The following KIAA1217 variants were observed in gnomAD, a reference collection of about 807,000 sequenced individuals.
KIAA1217 encodes KIAA1217.
KIAA1217 carries 88 observed loss-of-function variants against 163.9 expected under a neutral mutation model. That is an observed-to-expected ratio of 0.54 (90% CI 0.45 to 0.64). The LOEUF is 0.64. Among genes scored for constraint, KIAA1217 ranks in the 30% least tolerant of loss-of-function variants. The pLI, the probability that KIAA1217 is intolerant of heterozygous loss-of-function variation, is 0.00. For missense variants in KIAA1217, 2,372 were observed against 2,475.0 expected, an observed-to-expected ratio of 0.96 and a Z score of 0.88; for synonymous variants, 903 against 923.1, an observed-to-expected ratio of 0.98 and a Z score of 0.39.
chr10:24,088,289 G>GTA (rs141353834), intron 2 of KIAA1217, among the ~76,000 whole-genome samples: 1,062 of 99,558 alleles, frequency 0.011, 183 homozygotes, highest in African/African-American at 0.017. Flanking sequence ...ACATATATGT[G>GTA]TATATATATA....
At chr10:24,356,040 C>T (rs2049064454) in intron 2 of KIAA1217, among the ~76,000 whole-genome samples, 1 of 152,010 alleles carries the variant, frequency 6.6e-6, no homozygotes. Flanking sequence ...AGCCACCACA[C>T]CTGGACAGCA....
Position 24,543,562 on chromosome 10 carries a change from A to G in KIAA1217, c.4292A>G (p.Asn1431Ser), listed in dbSNP as rs776922242. The change falls in exon 19 of 21, where the codon AAT becomes AGT. Residue 1431 changes from asparagine (N) to serine (S), a missense_variant. This residue lies in a region of KIAA1217 where 690 missense variants were observed against 677.5 expected (regional missense o/e 1.02). Coordinates refer to ENST00000376454, the MANE Select transcript of KIAA1217 (RefSeq NM_019590.5). ...ACCCCCCGACAAGAAGGGACTGACA[A>G]TGAGGATCCAGTCGTGTGCCTGGAC... is the stretch of plus-strand genomic sequence containing the variant. ...EMTPRQEGTD[N>S]EDPVVCLDKK... is the part of the protein sequence containing the mutation. 4.3e-6 allele frequency: 7 copies of G among 1,614,014 alleles called. No individual in the cohort carries two copies. The Admixed American group carries it at 8.3e-5, about 19-fold the overall frequency.
At chr10:24,307,674 T>C (rs2042160876) in intron 2 of KIAA1217, among the ~76,000 whole-genome samples, 2 of 151,584 alleles carry the variant, frequency 1.3e-5, no homozygotes, top group South Asian at 4.2e-4. Flanking sequence ...CCCAGCTACA[T>C]GAGAGGCTGA....
intron 1 of KIAA1217, among the ~76,000 whole-genome samples, chr10:23,918,228 A>C (rs34912796): frequency 0.42 from 62,625 of 150,062 alleles, 16,128 homozygotes; most frequent in African/African-American, 0.73. Context: ...TGACCTCAAT[A>C]AAGTGATCTT....
chr10:24,017,716 T>C (rs1847548180), intron 2 of KIAA1217, among the ~76,000 whole-genome samples: 1 of 152,246 alleles, frequency 6.6e-6, no homozygotes, highest in African/African-American at 2.4e-5. Context: ...CCAGAAATTA[T>C]ATGAAAATGC....
At chr10:24,004,733 TTTC>T (rs1241991557) in intron 1 of KIAA1217, among the ~76,000 whole-genome samples, 1 of 152,254 alleles carries the variant, frequency 6.6e-6, no homozygotes, top group Non-Finnish European at 1.5e-5. Context: ...AGGGTGCTCT[TTTC>T]TTCTTCTCTC....
chr10:23,835,839 T>C (rs1337839608), intron 1 of KIAA1217, among the ~76,000 whole-genome samples: 1 of 152,200 alleles, frequency 6.6e-6, no homozygotes, highest in African/African-American at 2.4e-5. Context: ...CCTTCCTTTA[T>C]GAGTATTTCA....
intron 1 of KIAA1217, among the ~76,000 whole-genome samples, chr10:23,721,853 A>C (rs1837887114): frequency 6.6e-6 from 1 of 152,154 alleles, no homozygotes; most frequent in Non-Finnish European, 1.5e-5. Context: ...TTTTCCAGGT[A>C]CAAGTTTCCT....
chr10:24,157,230 G>T (rs2064917694), intron 2 of KIAA1217, among the ~76,000 whole-genome samples: 1 of 152,084 alleles, frequency 6.6e-6, no homozygotes, highest in African/African-American at 2.4e-5. Context: ...TCATTAATTT[G>T]CATGCCCTTA....
intron 1 of KIAA1217, among the ~76,000 whole-genome samples, chr10:23,855,814 G>C (rs1839627426): frequency 6.6e-6 from 1 of 152,094 alleles, no homozygotes; most frequent in Non-Finnish European, 1.5e-5. Flanking sequence ...CGGCTCCTGA[G>C]GCTTCTGCAT....
intron 1 of KIAA1217, among the ~76,000 whole-genome samples, chr10:23,851,442 T>C (rs1310889178): frequency 6.6e-6 from 1 of 152,238 alleles, no homozygotes; most frequent in Non-Finnish European, 1.5e-5. Context: ...TTCCAAGTCT[T>C]TGCTATTGTG....
chr10:24,476,813 C>T (rs1349399542), intron 6 of KIAA1217, among the ~76,000 whole-genome samples: 1 of 151,948 alleles, frequency 6.6e-6, no homozygotes, highest in Non-Finnish European at 1.5e-5. Flanking sequence ...CACATAGACA[C>T]ACAGACACAC....
intron 1 of KIAA1217, among the ~76,000 whole-genome samples, chr10:23,909,348 T>C (rs941717801): frequency 3.3e-5 from 5 of 151,022 alleles, no homozygotes; most frequent in East Asian, 2.0e-4. Context: ...CCAATAACCA[T>C]TGGAAATAAA....
chr10:24,436,757 CAAAAAAAAAAAAAAA>C (rs10560676), intron 4 of KIAA1217, among the ~76,000 whole-genome samples: 1 of 70,876 alleles, frequency 1.4e-5, no homozygotes, highest in Admixed American at 2.2e-4. Context: ...GACTCCGTCT[CAAAAAAAAAAAAAAA>C]AAAAAAAAAA....
At chr10:24,045,702 T>C (rs779792736) in intron 2 of KIAA1217, among the ~76,000 whole-genome samples, 5 of 152,182 alleles carry the variant, frequency 3.3e-5, no homozygotes, top group Non-Finnish European at 2.9e-5. Context: ...ATAAGCAATA[T>C]ATTCGTGTGC....
chr10:24,315,188 T>C (rs1215259001), intron 2 of KIAA1217, among the ~76,000 whole-genome samples: 1 of 152,076 alleles, frequency 6.6e-6, no homozygotes, highest in Non-Finnish European at 1.5e-5. Flanking sequence ...CAGAAACATG[T>C]TCAGTTGCCT....
chr10:24,445,520 TCCCTCCC>T, intron 5 of KIAA1217, among the ~76,000 whole-genome samples: 1 of 118,438 alleles, frequency 8.4e-6, no homozygotes, highest in Non-Finnish European at 1.7e-5. Context: ...CCTAATGCTA[TCCCTCCC>T]CCCTCCCCCC....
At chr10:24,251,797 A>G (rs1590233100) in intron 2 of KIAA1217, among the ~76,000 whole-genome samples, 1 of 148,972 alleles carries the variant, frequency 6.7e-6, no homozygotes, top group East Asian at 2.0e-4. Context: ...TGGTTCTACT[A>G]CTTACTGTTT....
intron 1 of KIAA1217, among the ~76,000 whole-genome samples, chr10:23,799,253 G>T (rs1045599078): frequency 6.6e-6 from 1 of 152,142 alleles, no homozygotes; most frequent in Admixed American, 6.5e-5. Context: ...ACATTCTGAG[G>T]TCCTGGGGGT....
Sources: allele counts gnomAD v4.1 joint callset (sites outside exome capture counted in the v4.1 genomes callset), GRCh38; gene constraint gnomAD v4.1.1; regional missense constraint gnomAD v4.1.1; transcripts MANE v1.5; gene names NCBI Gene and HGNC (gene_info 2026-07-23, HGNC 2026-07-21).